The following XKR3 variants were observed in gnomAD, a reference collection of about 807,000 sequenced individuals.
XKR3 encodes the protein XK-related protein 3.
XKR3 carries 27 observed loss-of-function variants against 40.3 expected under a neutral mutation model. The ratio of observed to expected loss-of-function variants is 0.67; its 90% CI spans 0.49 to 0.92. The LOEUF (loss-of-function observed/expected upper bound fraction) is 0.92, where lower values mean the gene tolerates loss of function less well. XKR3 is among the 40% of genes least tolerant of loss of function. The pLI, the probability that XKR3 is intolerant of heterozygous loss-of-function variation, is 0.00. For missense variants in XKR3, 472 were observed against 537.6 expected, an observed-to-expected ratio of 0.88 and a Z score of 1.21; for synonymous variants, 193 against 195.4, an observed-to-expected ratio of 0.99 and a Z score of 0.10.
At chr22:16,808,992 C>T (rs1378141435) in intron 1 of XKR3, among the ~76,000 whole-genome samples, 8 of 151,954 alleles carry the variant, frequency 5.3e-5, no homozygotes, top group Non-Finnish European at 1.5e-5. Context: ...GATAATATTT[C>T]CCCAGAAGAC....
intron 2 of XKR3, 52 bp downstream of exon 2, chr22:16,807,687 T>G: frequency 7.0e-7 from 1 of 1,420,536 alleles, no homozygotes; most frequent in South Asian, 1.4e-5. Flanking sequence ...CATCTATTTA[T>G]ATTCAATTTA....
Position 16,808,086 on chromosome 22 carries a change from GCTAATTCAAAGTCGT to G in XKR3, c.-10-18_-10-4del, listed in dbSNP as rs772457721. 2.5e-6 allele frequency: 4 copies of G among 1,573,392 alleles called. No homozygotes were observed. The South Asian group carries it at 4.7e-5, about 19-fold the overall frequency. On this transcript the variant is annotated splice_polypyrimidine_tract_variant and splice_region_variant and intron_variant, in intron 1 of 3. Coordinates refer to ENST00000684488, the MANE Select transcript of XKR3 (RefSeq NM_001386955.1). ...ACACTGTCTCCATTCTCAGGGTGCT[GCTAATTCAAAGTCGT>G]CTTGTCAGTGAATCCAGTAGAGTTC...
At chr22:16,814,805 T>C (rs1401039379) in intron 1 of XKR3, among the ~76,000 whole-genome samples, 1 of 152,142 alleles carries the variant, frequency 6.6e-6, no homozygotes, top group Non-Finnish European at 1.5e-5. Context: ...TTTTGTATAC[T>C]GATCTTGTTA....
At chr22:16,820,181 T>G (rs2060249823) in intron 1 of XKR3, among the ~76,000 whole-genome samples, 1 of 152,076 alleles carries the variant, frequency 6.6e-6, no homozygotes, top group African/African-American at 2.4e-5. Flanking sequence ...AAAATAAAAC[T>G]TACGCAAAAA....
intron 3 of XKR3, among the ~76,000 whole-genome samples, chr22:16,794,913 G>A (rs2060134284): frequency 6.6e-6 from 1 of 152,094 alleles, no homozygotes; most frequent in Non-Finnish European, 1.5e-5. Flanking sequence ...GACAATGAAG[G>A]TCATTACATA....
At chr22:16,807,169 G>C (rs1394516007) in intron 2 of XKR3, among the ~76,000 whole-genome samples, 1 of 152,112 alleles carries the variant, frequency 6.6e-6, no homozygotes, top group African/African-American at 2.4e-5. Context: ...AGAACTATGA[G>C]TAAGACAGAT....
chr22:16,801,936 T>C (rs2060171146), intron 2 of XKR3, among the ~76,000 whole-genome samples: 1 of 152,232 alleles, frequency 6.6e-6, no homozygotes, highest in Non-Finnish European at 1.5e-5. Context: ...TTTTCTCTAA[T>C]ACAAACTGCA....
At chr22:16,806,031 A>C (rs2060187867) in intron 2 of XKR3, among the ~76,000 whole-genome samples, 1 of 152,152 alleles carries the variant, frequency 6.6e-6, no homozygotes, top group African/African-American at 2.4e-5. Flanking sequence ...ACAGTCTGGC[A>C]ATTCCTCACT....
intron 1 of XKR3, among the ~76,000 whole-genome samples, chr22:16,824,140 C>T (rs1378360141): frequency 1.3e-5 from 2 of 151,832 alleles, no homozygotes; most frequent in Non-Finnish European, 2.9e-5. Context: ...TTCAATGTCA[C>T]AAAAAGAGAG....
Position 16,800,342 on chromosome 22 carries a change from T to G in XKR3, c.336-318A>C, listed in dbSNP as rs560852771. On this transcript the variant is annotated intron_variant, in intron 2 of 3. Coordinates refer to ENST00000684488, the MANE Select transcript of XKR3 (RefSeq NM_001386955.1). ...TTCACTTTCTCAAGGTCAGTTTGAT[T>G]AAATAATATCACAATGTTTTTCTAA... is the stretch of plus-strand genomic sequence containing the variant. Among the ~76,000 whole-genome samples, 31 of 152,330 alleles carry G rather than the reference T, an allele frequency of 2.0e-4. No individual in the cohort carries two copies. The South Asian group carries it at 6.2e-3, about 31-fold the overall frequency.
intron 1 of XKR3, among the ~76,000 whole-genome samples, chr22:16,809,730 T>C (rs998110186): frequency 3.9e-5 from 6 of 152,216 alleles, no homozygotes; most frequent in Non-Finnish European, 7.3e-5. Context: ...AACTTTCTTT[T>C]TGCCAAATAT....
intron 3 of XKR3, among the ~76,000 whole-genome samples, chr22:16,793,429 C>T (rs375073898): frequency 2.6e-5 from 4 of 152,220 alleles, no homozygotes; most frequent in Non-Finnish European, 4.4e-5. Context: ...AATAATTTTG[C>T]GTAATTCCAG....
rs368486803 is a variant in XKR3, at chr22:16,783,608, A to G, written c.*11T>C. On this transcript the variant is annotated 3_prime_UTR_variant, in exon 4 of 4. Transcript: ENST00000684488. ...TTTACTCATTGTTCTGTGAAAGTAT[A>G]TATGTATATTTTATGAACATGTCAT... 3.2e-4 allele frequency: 503 copies of G among 1,548,360 alleles called. 6 individuals carry two copies. The South Asian group carries it at 5.9e-3, about 18-fold the overall frequency.
At chr22:16,794,074 T>G (rs1168788661) in intron 3 of XKR3, among the ~76,000 whole-genome samples, 5 of 152,176 alleles carry the variant, frequency 3.3e-5, no homozygotes, top group Non-Finnish European at 5.9e-5. Flanking sequence ...GTGACTTGAC[T>G]CACCAGCATT....
At chr22:16,802,963 G>A (rs1052765450) in intron 2 of XKR3, among the ~76,000 whole-genome samples, 166 of 152,278 alleles carry the variant, frequency 1.1e-3, no homozygotes, top group African/African-American at 3.8e-3. Flanking sequence ...GGCCATGAAA[G>A]TAAGACTTTC....
At chr22:16,791,778 G>GA (rs2060118356) in intron 3 of XKR3, among the ~76,000 whole-genome samples, 1 of 123,184 alleles carries the variant, frequency 8.1e-6, no homozygotes, top group African/African-American at 3.1e-5. Context: ...GGAGAGAGAG[G>GA]GAGAGAGAGA....
At chr22:16,803,195 G>A (rs536529424) in intron 2 of XKR3, among the ~76,000 whole-genome samples, 5 of 151,978 alleles carry the variant, frequency 3.3e-5, no homozygotes, top group South Asian at 2.1e-4. Flanking sequence ...GTTGTCTTAA[G>A]GCATAACTAT....
chr22:16,822,311 A>G (rs1361020741), intron 1 of XKR3, among the ~76,000 whole-genome samples: 1 of 152,144 alleles, frequency 6.6e-6, no homozygotes, highest in Non-Finnish European at 1.5e-5. Flanking sequence ...TTTGAGATGT[A>G]CACTACAAAC....
intron 3 of XKR3, among the ~76,000 whole-genome samples, chr22:16,798,083 G>C (rs552627753): frequency 6.6e-6 from 1 of 151,548 alleles, no homozygotes; most frequent in East Asian, 2.0e-4. Flanking sequence ...GGGAGGCTGA[G>C]GCAGGAGAAT....
Sources: gnomAD v4.1 joint callset for allele counts (sites outside exome capture counted in the v4.1 genomes callset) on GRCh38, gnomAD v4.1.1 for gene constraint, MANE v1.5 for transcripts, NCBI Gene and HGNC (gene_info 2026-07-23, HGNC 2026-07-21) for gene names.